The following WDR33 variants were observed in gnomAD, a reference collection of about 807,000 sequenced individuals.
WDR33 encodes the protein pre-mRNA 3' end processing protein WDR33.
In WDR33, 47 loss-of-function variants were observed where a neutral mutation model predicts 164.9. The observed-to-expected ratio is 0.29, with a 90% CI of 0.23 to 0.36. The LOEUF (loss-of-function observed/expected upper bound fraction) is 0.36, where lower values mean the gene tolerates loss of function less well. Ranked by LOEUF, WDR33 falls within the 10% of genes least tolerant of loss-of-function variation. The pLI is 1.00. For missense variants in WDR33, 1,137 were observed against 1,754.1 expected, an observed-to-expected ratio of 0.65 and a Z score of 6.28; for synonymous variants, 505 against 589.0, an observed-to-expected ratio of 0.86 and a Z score of 2.06.
chr2:127,781,888 C>T (rs1157051414), intron 1 of WDR33, among the ~76,000 whole-genome samples: 1 of 151,576 alleles, frequency 6.6e-6, no homozygotes, highest in Non-Finnish European at 1.5e-5. Context: ...ATCTCAGCTA[C>T]TCGGGAGGCT....
Position 127,748,939 on chromosome 2 carries a change from A to G in WDR33, c.724+14123T>C, listed in dbSNP as rs577445353. Among the ~76,000 whole-genome samples, 30 of 151,910 alleles carry G rather than the reference A, an allele frequency of 2.0e-4. No individual in the cohort carries two copies. In the South Asian group the frequency reaches 6.2e-3, roughly 32 times the overall value. ...CCTTAACTACTGGAATTATCTGGAT[A>G]GTATGTTAGCTGTGAGAAGAAAATA... On this transcript the variant is annotated intron_variant, in intron 7 of 21. Coordinates refer to ENST00000322313, the MANE Select transcript of WDR33 (RefSeq NM_018383.5).
chr2:127,752,238 G>T (rs970529847), intron 7 of WDR33, among the ~76,000 whole-genome samples: 1 of 152,162 alleles, frequency 6.6e-6, no homozygotes, highest in Non-Finnish European at 1.5e-5. Context: ...CTTAAGGTTG[G>T]TCAGCAGGAT....
Position 127,701,718 on chromosome 2 carries a change from G to C in WDR33, c.*4605C>G. 7.3e-7 allele frequency: 1 copy of C among 1,365,726 alleles called. No homozygotes were observed. Among genetic ancestry groups the C allele is most frequent in the Non-Finnish European group, 9.4e-7 (1 of 1,061,404 alleles). The allele number at this position is 1,365,726 out of a possible 1,614,324, so 84.6% of individuals were successfully genotyped here. A position where few individuals can be genotyped will look rare whatever the true frequency, so the allele number is the denominator to read the frequency against. The stretch of plus-strand genomic sequence containing the variant: ...GAGCCCTGCGGAGTCGGCAGCGGCC[G>C]GCCTGACGTGCCTCCCGAGCGTGAC... On this transcript the variant is annotated 3_prime_UTR_variant, in exon 22 of 22. Transcript: ENST00000322313.
chr2:127,783,998 A>T (rs1688470896), intron 1 of WDR33, among the ~76,000 whole-genome samples: 1 of 152,192 alleles, frequency 6.6e-6, no homozygotes, highest in South Asian at 2.1e-4. Context: ...TGAAAAAAAA[A>T]AAGTTTTTAA....
In WDR33 at chr2:127,709,465, C is replaced by G; in HGVS notation, c.3565+25G>C. On this transcript the variant is annotated intron_variant, in intron 20 of 21. Transcript: ENST00000322313. The surrounding 1 kb of genome is among the most constrained non-coding windows in gnomAD (Gnocchi z 5.0). ...CTTTGTGAACTGCAGTCTAGAGTTA[C>G]CCAACAAGCGGTTCTTTTCCTTACC... 1 of 1,611,110 alleles carries G rather than the reference C, an allele frequency of 6.2e-7. No homozygotes were observed. Among genetic ancestry groups the G allele is most frequent in the South Asian group, 1.1e-5 (1 of 91,028 alleles).
At chr2:127,757,764 TAA>T (rs1687559690) in intron 7 of WDR33, among the ~76,000 whole-genome samples, 2 of 152,190 alleles carry the variant, frequency 1.3e-5, no homozygotes, top group Non-Finnish European at 2.9e-5. Context: ...ACTTTAATAA[TAA>T]AGTTATTTCC....
rs1686384358 is a variant in WDR33 at position 127,719,723 on chromosome 2, G to C, written c.2302C>G (p.Gln768Glu). The C allele has an allele frequency of 1.2e-6, 2 of 1,613,630 alleles. No homozygotes were observed. Among genetic ancestry groups the C allele is most frequent in the African/African-American group, 2.7e-5 (2 of 74,878 alleles). ...AGAGGTCCCTGAGACACAGGACCTT[G>C]GATCCCTTGAGACCCTGGTCCGCCT... ...IQGGPGSQGI[Q>E]GPVSQGPLMG... The change falls in exon 16 of 22, where the codon CAA becomes GAA. Residue 768 changes from glutamine to glutamate, a missense_variant. This residue lies in a region of WDR33 where 867 missense variants were observed against 1,073.0 expected (regional missense o/e 0.81). Coordinates refer to ENST00000322313, the MANE Select transcript of WDR33 (RefSeq NM_018383.5). The surrounding 1 kb of genome is among the most constrained non-coding windows in gnomAD (Gnocchi z 6.5).
rs1686441585 is a variant in WDR33 at position 127,721,675 on chromosome 2, G to T, written c.1671+161C>A. Among the ~76,000 whole-genome samples, 1 of 152,244 alleles carries T rather than the reference G, an allele frequency of 6.6e-6. No homozygotes were observed. Reference sequence around the variant, plus strand: ...CATTTTAAAAAATTTTAAGAAACAGGATTCTTTTGGAAACTAGTCTTCTAG... The same window carrying T: ...CATTTTAAAAAATTTTAAGAAACAGTATTCTTTTGGAAACTAGTCTTCTAG... On this transcript the variant is annotated intron_variant, in intron 15 of 21. Transcript: ENST00000322313. This position sits in a 1 kb window ranked among gnomAD's most constrained non-coding sequence, Gnocchi z 4.9.
In WDR33 at chr2:127,804,087, C is replaced by T. The variant is rs534843171; in HGVS notation, c.-24+6925G>A. ...CCGTAATCCCAGCACTTTGGGAGGCCGAGGAGGGTGGATCACAAGGTCAGG... is the reference window on the plus strand; with the variant it reads ...CCGTAATCCCAGCACTTTGGGAGGCTGAGGAGGGTGGATCACAAGGTCAGG... On this transcript the variant is annotated intron_variant, in intron 1 of 21. Transcript: ENST00000322313. Among the ~76,000 whole-genome samples the T allele has an allele frequency of 2.6e-5, 4 of 152,030 alleles. No homozygotes were observed. The East Asian group carries it at 7.7e-4, about 29-fold the overall frequency.
Position 127,768,939 on chromosome 2 carries a change from G to A in WDR33, c.267C>T (p.Tyr89=). The change falls in exon 3 of 22, where the codon TAC becomes TAT. Residue 89 remains tyrosine (Y), a synonymous_variant. Transcript: ENST00000322313. ...MRAIQPDAGY[Y]NDLVPPIGML... ...TGACACATCATGTACTTACATCATT[G>A]TAATAACCTGCATCAGGCTGAATTG... The A allele has an allele frequency of 6.3e-7, 1 of 1,592,972 alleles. No individual in the cohort carries two copies. Among genetic ancestry groups the A allele is most frequent in the Non-Finnish European group, 8.5e-7 (1 of 1,170,434 alleles).
intron 7 of WDR33, among the ~76,000 whole-genome samples, chr2:127,732,906 T>C (rs1686745820): frequency 6.6e-6 from 1 of 152,210 alleles, no homozygotes. Flanking sequence ...GCCTCTATAC[T>C]AAATTTGATC....
chr2:127,730,736 A>G (rs1036047282), intron 7 of WDR33, among the ~76,000 whole-genome samples: 1 of 152,212 alleles, frequency 6.6e-6, no homozygotes, highest in Non-Finnish European at 1.5e-5. Flanking sequence ...GTACATTTTG[A>G]TATGGTTACC....
intron 1 of WDR33, among the ~76,000 whole-genome samples, chr2:127,782,845 T>C (rs988432448): frequency 1.3e-5 from 2 of 151,992 alleles, no homozygotes; most frequent in Non-Finnish European, 2.9e-5. Flanking sequence ...CCATCTCTAC[T>C]AAAAATACAA....
At chr2:127,727,774 G>A (rs932544721) in intron 7 of WDR33, among the ~76,000 whole-genome samples, 4 of 152,178 alleles carry the variant, frequency 2.6e-5, no homozygotes, top group Non-Finnish European at 5.9e-5. Context: ...AAGCAGATGA[G>A]GAGTGAGGAA....
At chr2:127,797,054 T>G (rs777325337) in intron 1 of WDR33, among the ~76,000 whole-genome samples, 112 of 152,128 alleles carry the variant, frequency 7.4e-4, no homozygotes, top group Middle Eastern at 3.4e-3. Context: ...CACATGAATG[T>G]CCATGAATGA....
At position 127,717,435 on chromosome 2, in the gene WDR33, AT is replaced by A. The variant is rs1306789645; in HGVS notation, c.2761-173del. Among the ~76,000 whole-genome samples, 6 of 152,200 alleles carry A rather than the reference AT, an allele frequency of 3.9e-5. No homozygotes were observed. Among genetic ancestry groups the A allele is most frequent in the African/African-American group, 7.2e-5 (3 of 41,424 alleles). The stretch of plus-strand genomic sequence containing the variant: ...AGGAGATACTTCTTTTACTATAATA[AT>A]TTTTTTAAAGCACCTGTATTTTAAA... On this transcript the variant is annotated intron_variant, in intron 16 of 21. Coordinates refer to ENST00000322313, the MANE Select transcript of WDR33 (RefSeq NM_018383.5). This position sits in a 1 kb window ranked among gnomAD's most constrained non-coding sequence, Gnocchi z 5.6.
In WDR33 at chr2:127,738,095, G is replaced by T. The variant is rs1471283924; in HGVS notation, c.725-11318C>A. 8.9e-6 allele frequency: 14 copies of T among 1,574,648 alleles called. No individual in the cohort carries two copies. The Admixed American group carries it at 1.3e-4, about 15-fold the overall frequency. On this transcript the variant is annotated intron_variant, in intron 7 of 21. Transcript: ENST00000322313. This position sits in a 1 kb window ranked among gnomAD's most constrained non-coding sequence, Gnocchi z 4.4. ...GGGTGCATGAACTCTTAAATACTGTGCAGGCAGGTATCTATCACATGAGCC... is the reference window on the plus strand; with the variant it reads ...GGGTGCATGAACTCTTAAATACTGTTCAGGCAGGTATCTATCACATGAGCC...
At position 127,735,170 on chromosome 2, in the gene WDR33, T is replaced by C. The variant is rs1239394448; in HGVS notation, c.725-8393A>G. On this transcript the variant is annotated intron_variant, in intron 7 of 21. Coordinates refer to ENST00000322313, the MANE Select transcript of WDR33 (RefSeq NM_018383.5). The surrounding 1 kb of genome is among the most constrained non-coding windows in gnomAD (Gnocchi z 4.3). ...CCAGTAAGGGCAGAAGGTCTGCTTT[T>C]TGACTATTCCCTTAAAGGAGGAGGT... Among the ~76,000 whole-genome samples, 1 of 152,230 alleles carries C rather than the reference T, an allele frequency of 6.6e-6. No homozygotes were observed. Among genetic ancestry groups the C allele is most frequent in the African/African-American group, 2.4e-5 (1 of 41,464 alleles).
intron 1 of WDR33, among the ~76,000 whole-genome samples, chr2:127,808,705 G>A (rs2104695659): frequency 6.6e-6 from 1 of 151,982 alleles, no homozygotes; most frequent in South Asian, 2.1e-4. Context: ...GACCAGCCTG[G>A]CCAACATGGT....
Sources: gnomAD v4.1 joint callset for allele counts (sites outside exome capture counted in the v4.1 genomes callset) on GRCh38, gnomAD v4.1.1 for gene constraint, gnomAD v4.1.1 regional missense constraint, Gnocchi (gnomAD v3.1) non-coding constraint, MANE v1.5 for transcripts, NCBI Gene and HGNC (gene_info 2026-07-23, HGNC 2026-07-21) for gene names.